COL4A2: variants seen among roughly 807,000 people sequenced by gnomAD.
COL4A2 encodes collagen type IV alpha 2 chain, also known as collagen alpha-2(IV) chain.
A neutral mutation model predicts 200.2 loss-of-function variants in COL4A2; 99 were observed. That is an observed-to-expected ratio of 0.49 (90% confidence interval 0.42 to 0.58). The LOEUF is 0.58. Among genes scored for constraint, COL4A2 ranks in the 20% least tolerant of loss-of-function variants. The pLI, the probability that COL4A2 is intolerant of heterozygous loss-of-function variation, is 0.00. For missense variants in COL4A2, 1,950 were observed against 2,314.1 expected (o/e 0.84, Z 3.23); for synonymous variants, 897 against 900.6 (o/e 1.00, Z 0.07).
intron 6 of COL4A2, among the ~76,000 whole-genome samples, chr13:110,427,305 A>G (rs1376653091): frequency 1.3e-5 from 2 of 152,060 alleles, no homozygotes; most frequent in East Asian, 1.9e-4. Context: ...GCCTGCCACC[A>G]TGTCTGGCTA....
chr13:110,419,538 T>A (rs2139448366), intron 4 of COL4A2, among the ~76,000 whole-genome samples: 1 of 152,356 alleles, frequency 6.6e-6, no homozygotes, highest in Admixed American at 6.5e-5. Flanking sequence ...CGTGTGCCCG[T>A]ATCTGATCAT....
intron 3 of COL4A2, among the ~76,000 whole-genome samples, chr13:110,333,634 G>A (rs1414158862): frequency 4.6e-5 from 7 of 152,208 alleles, no homozygotes; most frequent in Admixed American, 6.5e-5. Flanking sequence ...GAGATGGGAA[G>A]AGGACCGCTC....
intron 3 of COL4A2, among the ~76,000 whole-genome samples, chr13:110,312,266 C>A (rs927439024): frequency 2.6e-5 from 4 of 152,024 alleles, no homozygotes; most frequent in African/African-American, 9.7e-5. Flanking sequence ...TCAGCAGCAT[C>A]CCAGAAGGAG....
intron 17 of COL4A2, among the ~76,000 whole-genome samples, chr13:110,446,447 C>T (rs1340660327): frequency 1.3e-5 from 2 of 152,304 alleles, no homozygotes; most frequent in South Asian, 2.1e-4. Context: ...CCTGCGGCCG[C>T]ATCATCTCCC....
At chr13:110,366,252 A>C (rs907638486) in intron 4 of COL4A2, among the ~76,000 whole-genome samples, 1 of 152,248 alleles carries the variant, frequency 6.6e-6, no homozygotes, top group Non-Finnish European at 1.5e-5. Context: ...GATGCTTTCT[A>C]AAAGCTACTT....
chr13:110,491,829 T>C (rs554071569), intron 37 of COL4A2, among the ~76,000 whole-genome samples: 1 of 152,304 alleles, frequency 6.6e-6, no homozygotes, highest in African/African-American at 2.4e-5. Context: ...AGGGCGACAA[T>C]TAAAACTACA....
intron 40 of COL4A2, 84 bp from the exon 41 acceptor site, chr13:110,501,584 C>T (rs1031775385): frequency 1.2e-5 from 14 of 1,204,690 alleles, no homozygotes; most frequent in Non-Finnish European, 1.7e-5. Context: ...TGGTCCACCA[C>T]AGGTGATGGT....
rs539880947 is a variant in COL4A2, at chr13:110,446,806, C to T, written c.1020C>T (p.Ala340=). Residue 340 remains alanine, a synonymous_variant, in exon 18 of 48, where the codon GCC becomes GCT. Transcript: ENST00000360467. ...PDGPRGPKGE[A]GDPGPPGLPA... is the part of the protein sequence containing the mutation. ...CTCTTTTCTTTCTCTAGGGAGAAGC[C>T]GGAGACCCAGGGCCCCCTGGACTAC... 4.5e-5 allele frequency: 72 copies of T among 1,612,134 alleles called. No homozygotes were observed. The East Asian group carries it at 5.1e-4, about 11-fold the overall frequency.
chr13:110,368,274 G>A (rs2139398850), intron 4 of COL4A2, among the ~76,000 whole-genome samples: 1 of 152,256 alleles, frequency 6.6e-6, no homozygotes, highest in African/African-American at 2.4e-5. Flanking sequence ...TATATCCAGA[G>A]TAAAATTCAC....
chr13:110,340,694 G>A (rs914797879), intron 3 of COL4A2, among the ~76,000 whole-genome samples: 4 of 152,164 alleles, frequency 2.6e-5, no homozygotes, highest in Non-Finnish European at 5.9e-5. Context: ...ACATTACGAA[G>A]CACAAAGAAC....
chr13:110,382,877 T>A (rs1376541982), intron 4 of COL4A2, among the ~76,000 whole-genome samples: 1 of 152,236 alleles, frequency 6.6e-6, no homozygotes, highest in Non-Finnish European at 1.5e-5. Context: ...GATAATTTTT[T>A]AAAGATTTTT....
chr13:110,507,713 T>C, intron 46 of COL4A2: 1 of 594,630 alleles, frequency 1.7e-6, no homozygotes, highest in South Asian at 2.1e-5. Context: ...GTGTGAGAAC[T>C]TGTAGAAGAA....
chr13:110,438,588 G>A, intron 14 of COL4A2, 30 bp from the exon 15 acceptor site: 1 of 1,614,138 alleles, frequency 6.2e-7, no homozygotes, highest in Non-Finnish European at 8.5e-7. Context: ...CCCCTGGGTT[G>A]CTCCTTACGC....
At chr13:110,506,777 A>G (rs1197334022) in intron 46 of COL4A2, among the ~76,000 whole-genome samples, 171 bp downstream of exon 46, 1 of 152,236 alleles carries the variant, frequency 6.6e-6, no homozygotes, top group East Asian at 1.9e-4. Flanking sequence ...CCTTTGAAGC[A>G]GAAGCCTTAC....
intron 4 of COL4A2, among the ~76,000 whole-genome samples, chr13:110,420,967 C>T (rs573798879): frequency 5.9e-5 from 9 of 152,302 alleles, no homozygotes; most frequent in South Asian, 2.1e-4. Context: ...CCTCTCTCAG[C>T]GGGGAAGCTG....
intron 4 of COL4A2, among the ~76,000 whole-genome samples, chr13:110,414,100 G>A (rs150685673): frequency 2.6e-5 from 4 of 152,214 alleles, no homozygotes; most frequent in Non-Finnish European, 4.4e-5. Flanking sequence ...ACTTGAGCCC[G>A]GGAGTTTGAG....
intron 4 of COL4A2, among the ~76,000 whole-genome samples, chr13:110,398,697 GAAAGAAAGAA>G (rs978986536): frequency 1.3e-5 from 2 of 151,452 alleles, no homozygotes; most frequent in South Asian, 2.1e-4. Context: ...TGTCAAAAAA[GAAAGAAAGAA>G]AAAGAAAGAA....
chr13:110,313,555 G>C (rs1250052419), intron 3 of COL4A2, among the ~76,000 whole-genome samples: 2 of 110,638 alleles, frequency 1.8e-5, no homozygotes, highest in African/African-American at 6.5e-5. Context: ...CGTCCACCCG[G>C]CAGGCTCCCA....
At position 110,436,109 on chromosome 13, in the gene COL4A2, A is replaced by T. The variant is rs41275108; in HGVS notation, c.727-160A>T. On this transcript the variant is annotated intron_variant, in intron 12 of 47. Coordinates refer to ENST00000360467, the MANE Select transcript of COL4A2 (RefSeq NM_001846.4). ...GAGGATATAAAAAACTTACATTAGG[A>T]TTACTCTATTTTGTGGTTATTATAC... 51,734 of 1,071,630 alleles carry T rather than the reference A, an allele frequency of 0.048. 1,682 individuals carry two copies. The highest frequency in any genetic ancestry group is 0.15 in the East Asian group (6,440 of 42,014). 66.4% of individuals were successfully genotyped at this position (1,071,630 alleles called of 1,614,324 possible).
Sources: gnomAD v4.1 joint callset for allele counts (sites outside exome capture counted in the v4.1 genomes callset) on GRCh38, gnomAD v4.1.1 for gene constraint, MANE v1.5 for transcripts, NCBI Gene and HGNC (gene_info 2026-07-23, HGNC 2026-07-21) for gene names.